PRDM5: variants seen among roughly 807,000 people sequenced by gnomAD.
PRDM5 encodes the protein PR/SET domain 5, also known as PR domain zinc finger protein 5.
Under a neutral mutation model 81.2 loss-of-function variants are expected in PRDM5, and 56 were observed. That is an observed-to-expected ratio of 0.69 (90% CI 0.56 to 0.86). The LOEUF is 0.86. PRDM5 is among the 40% of genes least tolerant of loss of function. The probability of loss-of-function intolerance (pLI) is 0.00; values close to 1 mark genes in which losing one functional copy is unlikely to be tolerated. For synonymous variants in PRDM5, 267 were observed against 256.4 expected (o/e 1.04, Z -0.39); for missense variants, 697 against 770.1 (o/e 0.91, Z 1.12).
intron 7 of PRDM5, chr4:120,816,172 T>G: frequency 4.8e-6 from 2 of 419,968 alleles, no homozygotes; most frequent in Admixed American, 4.1e-5. Context: ...CTTAAAAATA[T>G]TAATTCTTAA....
chr4:120,762,573 C>T (rs574126605), intron 13 of PRDM5: 126 of 152,212 alleles, frequency 8.3e-4, no homozygotes, highest in African/African-American at 2.8e-3. Context: ...TGTGAAAGCA[C>T]CACCCAATTA....
chr4:120,730,898 T>C (rs1219152550), intron 14 of PRDM5, among the ~76,000 whole-genome samples: 2 of 152,176 alleles, frequency 1.3e-5, no homozygotes, highest in Non-Finnish European at 1.5e-5. Context: ...ACAACTCTAC[T>C]GTATTATTGT....
intron 1 of PRDM5, among the ~76,000 whole-genome samples, chr4:120,911,935 C>T (rs942429265): frequency 6.6e-6 from 1 of 152,120 alleles, no homozygotes; most frequent in Admixed American, 6.5e-5. Flanking sequence ...AGGAATTAAG[C>T]ATTTTATCCT....
At chr4:120,853,651 T>C in intron 2 of PRDM5, 111 bp from the exon 3 acceptor site, 11 of 1,365,486 alleles carry the variant, frequency 8.1e-6, no homozygotes, top group Non-Finnish European at 1.0e-5. Context: ...TTTTTATTGA[T>C]GGGTGATAAA....
chr4:120,706,948 G>C (rs1355138694), intron 15 of PRDM5, among the ~76,000 whole-genome samples: 1 of 151,602 alleles, frequency 6.6e-6, no homozygotes, highest in Non-Finnish European at 1.5e-5. Context: ...ACAAGGAAAA[G>C]TCCAGGATCA....
At chr4:120,782,354 T>C (rs990062337) in intron 11 of PRDM5, among the ~76,000 whole-genome samples, 1 of 152,164 alleles carries the variant, frequency 6.6e-6, no homozygotes, top group African/African-American at 2.4e-5. Context: ...ATCTCAATTT[T>C]AGCCAAGCTC....
chr4:120,801,601 T>C (rs1362496400), intron 8 of PRDM5, among the ~76,000 whole-genome samples: 2 of 152,238 alleles, frequency 1.3e-5, no homozygotes, highest in East Asian at 3.8e-4. Context: ...TTAGATGCAA[T>C]GGCATCTATG....
intron 3 of PRDM5, chr4:120,838,323 C>T (rs2149385731): frequency 6.6e-6 from 1 of 152,056 alleles, no homozygotes; most frequent in African/African-American, 2.4e-5. Flanking sequence ...CATAATTGTA[C>T]ATATTCATGG....
chr4:120,880,588 T>C (rs967436738), intron 2 of PRDM5, among the ~76,000 whole-genome samples: 1 of 152,192 alleles, frequency 6.6e-6, no homozygotes, highest in Non-Finnish European at 1.5e-5. Flanking sequence ...TGAAATCTGG[T>C]TGTATTTTAT....
In PRDM5 at chr4:120,820,871, C is replaced by T. The variant is rs539562338; in HGVS notation, c.475+300G>A. On this transcript the variant is annotated intron_variant, in intron 4 of 15. Coordinates refer to ENST00000264808, the MANE Select transcript of PRDM5 (RefSeq NM_018699.4). ...GCTATGGCAAGACTATAAAAATCCT[C>T]ACTACTCATTACCCCAATGCGCCAG... 2.6e-5 allele frequency among the ~76,000 whole-genome samples: 4 copies of T among 152,326 alleles called. No homozygotes were observed. In the South Asian group the frequency reaches 8.3e-4, roughly 32 times the overall value.
At chr4:120,731,463 A>G (rs1319247448) in intron 14 of PRDM5, among the ~76,000 whole-genome samples, 1 of 152,094 alleles carries the variant, frequency 6.6e-6, no homozygotes, top group Non-Finnish European at 1.5e-5. Context: ...AAAACTAACA[A>G]AAGTCTAGAA....
downstream of PRDM5, among the ~76,000 whole-genome samples, chr4:120,688,786 A>C (rs1431292439): frequency 6.6e-6 from 1 of 152,114 alleles, no homozygotes; most frequent in Non-Finnish European, 1.5e-5. Flanking sequence ...GTATACATGA[A>C]GGTTTACTTC....
At chr4:120,909,248 G>C (rs1478983845) in intron 1 of PRDM5, among the ~76,000 whole-genome samples, 1 of 152,194 alleles carries the variant, frequency 6.6e-6, no homozygotes, top group Non-Finnish European at 1.5e-5. Context: ...TCAAAACCCT[G>C]ACAGACAGCT....
At chr4:120,877,390 G>A (rs190828970) in intron 2 of PRDM5, among the ~76,000 whole-genome samples, 2 of 152,296 alleles carry the variant, frequency 1.3e-5, no homozygotes, top group East Asian at 3.9e-4. Flanking sequence ...TTATTTATTT[G>A]GCCAGCTGCT....
At chr4:120,831,932 G>A (rs1236734497) in intron 3 of PRDM5, among the ~76,000 whole-genome samples, 8 of 152,072 alleles carry the variant, frequency 5.3e-5, no homozygotes, top group Non-Finnish European at 1.2e-4. Context: ...AAAAGAGAGT[G>A]TCAACTAAAT....
chr4:120,915,011 C>A (rs1723953743), intron 1 of PRDM5, among the ~76,000 whole-genome samples: 1 of 152,018 alleles, frequency 6.6e-6, no homozygotes, highest in Non-Finnish European at 1.5e-5. Context: ...AAGAGACAGG[C>A]TAGGAGGGTT....
chr4:120,865,536 G>A (rs1053188730), intron 2 of PRDM5, among the ~76,000 whole-genome samples: 1 of 152,104 alleles, frequency 6.6e-6, no homozygotes, highest in Non-Finnish European at 1.5e-5. Context: ...TACACCCCAC[G>A]GAGTCACTCT....
chr4:120,842,388 C>T (rs1372048236), intron 3 of PRDM5, among the ~76,000 whole-genome samples: 1 of 152,076 alleles, frequency 6.6e-6, no homozygotes, highest in Non-Finnish European at 1.5e-5. Context: ...AAGCCTTTTC[C>T]CAAGTGACAA....
chr4:120,750,199 C>G (rs1243867860), intron 14 of PRDM5, among the ~76,000 whole-genome samples: 4 of 152,152 alleles, frequency 2.6e-5, no homozygotes, highest in African/African-American at 9.7e-5. Context: ...TGAGTGGTGT[C>G]AGAAGCAGGG....
Sources: gnomAD v4.1 joint callset for allele counts (sites outside exome capture counted in the v4.1 genomes callset) on GRCh38, gnomAD v4.1.1 for gene constraint, MANE v1.5 for transcripts, NCBI Gene and HGNC (gene_info 2026-07-23, HGNC 2026-07-21) for gene names.